Variants in TAF9B observed in about 807,000 individuals in gnomAD.
The protein encoded by TAF9B is TATA-box binding protein associated factor 9b, also known as transcription initiation factor TFIID subunit 9B.
Under a neutral mutation model 17.6 loss-of-function variants are expected in TAF9B, and 47 were observed. That is an observed-to-expected ratio of 2.68 (90% CI 2.12 to 3.41). The LOEUF is 3.41. TAF9B is among the 30% of genes most tolerant of loss of function. TAF9B has a pLI of 0.00. For synonymous variants in TAF9B, 84 were observed against 68.7 expected (o/e 1.22, Z -1.10); for missense variants, 218 against 189.3 (o/e 1.15, Z -0.89).
In TAF9B at chrX:78,137,092, C is replaced by T. The variant is rs183203805; in HGVS notation, c.406-102G>A. 1,742 of 582,459 alleles carry T rather than the reference C, an allele frequency of 3.0e-3. 1 individual carries two copies. The highest frequency in any genetic ancestry group is 4.3e-3 in the Non-Finnish European group (1,556 of 365,769). The allele number at this position is 582,459 out of a possible 1,213,427, so 48.0% of individuals were successfully genotyped here. ...GTAAATGATTATGGATAATCCATGGCAAGAAAGTCCTGTTTTTGTTCTCTC... is the reference window on the plus strand; with the variant it reads ...GTAAATGATTATGGATAATCCATGGTAAGAAAGTCCTGTTTTTGTTCTCTC... On this transcript the variant is annotated intron_variant, in intron 4 of 6. Coordinates refer to ENST00000341864, the MANE Select transcript of TAF9B (RefSeq NM_015975.5).
Position 78,131,756 on chromosome X carries a change from C to T in TAF9B, c.610G>A (p.Val204Ile). The T allele has an allele frequency of 8.3e-7, 1 of 1,207,807 alleles. No individual in the cohort carries two copies. ...GAAGGATTAATCAGAACATTTTGAA[C>T]TGCAGTTGTTGCAGGAACTGTAAAC... is the stretch of plus-strand genomic sequence containing the variant. ...PVKPVPATTA[V>I]QNVLINPSMI... Residue 204 changes from valine (V) to isoleucine (I), a missense_variant, in exon 7 of 7, where the codon GTT becomes ATT. By Grantham distance (29) the Val-to-Ile change is conservative (BLOSUM62 3). Coordinates refer to ENST00000341864, the MANE Select transcript of TAF9B (RefSeq NM_015975.5).
intron 5 of TAF9B, among the ~76,000 whole-genome samples, chrX:78,135,884 T>A (rs1268734605): frequency 8.9e-6 from 1 of 112,134 alleles, no homozygotes; most frequent in Non-Finnish European, 1.9e-5. Flanking sequence ...AATGCAGATT[T>A]CTGTCCACAA....
chrX:78,136,756 CAT>C (rs782491867), intron 5 of TAF9B, among the ~76,000 whole-genome samples, 157 bp downstream of exon 5: 1 of 112,147 alleles, frequency 8.9e-6, no homozygotes, highest in African/African-American at 3.2e-5. Context: ...AATCCAGTAA[CAT>C]GTATGTTTAT....
At chrX:78,133,917 A>G (rs1353680896) in intron 5 of TAF9B, among the ~76,000 whole-genome samples, 1 of 111,630 alleles carries the variant, frequency 9.0e-6, no homozygotes, top group African/African-American at 3.3e-5. Context: ...ACCTACCAGA[A>G]TAAAGACCCA....
At position 78,130,181 on chromosome X, in the gene TAF9B, A is replaced by C. The variant is rs2078403304; in HGVS notation, c.*1429T>G. The C allele has an allele frequency of 8.9e-6, 1 of 112,515 alleles. No individual in the cohort carries two copies. Among genetic ancestry groups the C allele is most frequent in the Admixed American group, 9.5e-5 (1 of 10,580 alleles). The allele number at this position is 112,515 out of a possible 1,213,427, so 9.3% of individuals were successfully genotyped here. A position where few individuals can be genotyped will look rare whatever the true frequency, so the allele number is the denominator to read the frequency against. ...TCTCTGTTACTGGACTTTCTTAGAT[A>C]TATCAAACACTATCCTAAGATGAAA... On this transcript the variant is annotated 3_prime_UTR_variant, in exon 7 of 7. Transcript: ENST00000341864.
At chrX:78,135,593 C>G (rs1444939864) in intron 5 of TAF9B, among the ~76,000 whole-genome samples, 1 of 109,925 alleles carries the variant, frequency 9.1e-6, no homozygotes, top group African/African-American at 3.3e-5. Flanking sequence ...GAGTGAGAGT[C>G]TGTCTCAAAA....
chrX:78,133,347 C>G lies in TAF9B; in HGVS notation c.583G>C (p.Val195Leu). ...VQIPPSQSTP[V>L]KPVPATTAVQ... ...CTCCCAATCACATTACCTGGTTTGA[C>G]AGGTGTGGACTGAGAAGGTGGAATC... Residue 195 changes from valine to leucine, a missense_variant, in exon 6 of 7, where the codon GTC (valine) becomes CTC (leucine). Physicochemically the swap from Val to Leu is conservative, Grantham distance 32 (BLOSUM62 1). Coordinates refer to ENST00000341864, the MANE Select transcript of TAF9B (RefSeq NM_015975.5). 8.3e-7 allele frequency: 1 copy of G among 1,205,033 alleles called. No individual in the cohort carries two copies. Among genetic ancestry groups the G allele is most frequent in the African/African-American group, 1.7e-5 (1 of 57,720 alleles).
In TAF9B at chrX:78,137,840, G is replaced by C; in HGVS notation, c.314C>G (p.Pro105Arg). The C allele has an allele frequency of 8.3e-7, 1 of 1,209,755 alleles. No homozygotes were observed. The highest frequency in any genetic ancestry group is 1.1e-6 in the Non-Finnish European group (1 of 894,953). Reference protein sequence around the residue: ...IARQKNQTPLPLIKPYAGPRL... With the variant: ...IARQKNQTPLRLIKPYAGPRL... ...AGGTCCTGCATATGGCTTAATCAGT[G>C]GCAAAGGGGTTTGATTTTTCTGCCT... Residue 105 changes from proline to arginine, a missense_variant, in exon 4 of 7, where the codon CCA (proline) becomes CGA (arginine). Physicochemically the swap from Pro to Arg is moderately radical, Grantham distance 103. Coordinates refer to ENST00000341864, the MANE Select transcript of TAF9B (RefSeq NM_015975.5).
chrX:78,135,449 G>C (rs1557249926), intron 5 of TAF9B, among the ~76,000 whole-genome samples: 1 of 103,107 alleles, frequency 9.7e-6, no homozygotes, highest in African/African-American at 3.5e-5. Context: ...ACAAAAATTA[G>C]CCTGGTGTGG....
chrX:78,138,764 TAAAAG>T (rs781853482), intron 2 of TAF9B, 74 bp downstream of exon 2: 201 of 835,009 alleles, frequency 2.4e-4, no homozygotes, highest in Non-Finnish European at 3.4e-4. Flanking sequence ...AAAAAGAAAA[TAAAAG>T]AAAATGTTCT....
At chrX:78,132,012 C>CTATT (rs1185795017) in intron 6 of TAF9B, among the ~76,000 whole-genome samples, 1 of 111,888 alleles carries the variant, frequency 8.9e-6, no homozygotes, top group Non-Finnish European at 1.9e-5. Flanking sequence ...TTTTAAATTA[C>CTATT]TATTTTTTTG....
At chrX:78,131,931 T>C (rs1261202140) in intron 6 of TAF9B, among the ~76,000 whole-genome samples, 158 bp from the exon 7 acceptor site, 2 of 112,776 alleles carry the variant, frequency 1.8e-5, no homozygotes, top group Non-Finnish European at 3.7e-5. Flanking sequence ...TAGGTACTTA[T>C]ACTGCAATGA....
Position 78,136,911 on chromosome X carries a change from T to C in TAF9B, c.481+4A>G. The C allele has an allele frequency of 8.4e-7, 1 of 1,188,299 alleles. No homozygotes were observed. Among genetic ancestry groups the C allele is most frequent in the Non-Finnish European group, 1.1e-6 (1 of 876,009 alleles). ...CAGAAATGCCATTGTCTCCTCTCAC[T>C]TACCTATAGTAGGAGTAGTAGGTTT... is the stretch of plus-strand genomic sequence containing the variant. On this transcript the variant is annotated splice_donor_region_variant and intron_variant, in intron 5 of 6. Transcript: ENST00000341864.
intron 5 of TAF9B, among the ~76,000 whole-genome samples, chrX:78,133,740 T>G (rs1330283428): frequency 9.0e-6 from 1 of 111,177 alleles, no homozygotes; most frequent in Non-Finnish European, 1.9e-5. Context: ...TTATTTAAAT[T>G]TTTGTGCCTC....
rs191297737 is a variant in TAF9B, at chrX:78,137,727, A to G, written c.405+22T>C. On this transcript the variant is annotated intron_variant, in intron 4 of 6. Transcript: ENST00000341864. ...TCATATTCCACCTTTTAAAAAAAGA[A>G]AAGTTGACTAAAATTTCTTACCTTT... 1.2e-3 allele frequency: 1,408 copies of G among 1,173,799 alleles called. 11 individuals carry two copies. Among genetic ancestry groups the G allele is most frequent in the East Asian group, 5.4e-4 (18 of 33,530 alleles).
At position 78,136,959 on chromosome X, in the gene TAF9B, A is replaced by C. The variant is rs2078436419; in HGVS notation, c.437T>G (p.Leu146Ter). The change falls in exon 5 of 7, where the codon TTA (leucine) becomes TGA (stop). Residue 146 changes from leucine to a stop codon, truncating the protein, a stop_gained. Transcript: ENST00000341864. LOFTEE classifies it high-confidence loss of function. ...GPNQGRLVPR[L>*]SVGAVSSKPT... ...TTTGCTACTAACAGCACCAACACTTAATCGTGGAACTAGTCTCCCTTGGTT... is the reference window on the plus strand; with the variant it reads ...TTTGCTACTAACAGCACCAACACTTCATCGTGGAACTAGTCTCCCTTGGTT... The C allele has an allele frequency of 2.5e-6, 3 of 1,207,086 alleles. No individual in the cohort carries two copies. The highest frequency in any genetic ancestry group is 1.8e-5 in the South Asian group (1 of 56,511).
intron 5 of TAF9B, among the ~76,000 whole-genome samples, chrX:78,136,389 C>T (rs1260423163): frequency 7.2e-5 from 8 of 111,841 alleles, no homozygotes; most frequent in South Asian, 3.7e-4. Context: ...GATGCAGATA[C>T]GTCAAAAGGA....
rs781949819 is a variant in TAF9B at position 78,139,627 on chromosome X, G to T, written c.-16C>A. On this transcript the variant is annotated 5_prime_UTR_variant, in exon 1 of 7. Transcript: ENST00000341864. ...CCGACTCCATGTTATCCAGCCACTC[G>T]TCATCCGCGGAGACAGAGGAGAGAG... 2 of 1,209,759 alleles carry T rather than the reference G, an allele frequency of 1.7e-6. No individual in the cohort carries two copies. The highest frequency in any genetic ancestry group is 1.1e-6 in the Non-Finnish European group (1 of 894,624).
chrX:78,138,916 T>G lies in TAF9B; in HGVS notation c.60A>C (p.Ala20=). The G allele has an allele frequency of 8.4e-7, 1 of 1,194,155 alleles. No homozygotes were observed. Among genetic ancestry groups the G allele is most frequent in the Non-Finnish European group, 1.1e-6 (1 of 881,292 alleles). ...TGATTCCCATATCCTTCAGGATCTGTGCCATCACCTGTGGATTCAAATAAA... is the reference window on the plus strand; with the variant it reads ...TGATTCCCATATCCTTCAGGATCTGGGCCATCACCTGTGGATTCAAATAAA... ...KNAPRDALVM[A]QILKDMGITE... is the part of the protein sequence containing the mutation. Residue 20 remains alanine (A), a synonymous_variant, in exon 2 of 7, where the codon GCA becomes GCC. Transcript: ENST00000341864.
Sources: gnomAD v4.1 joint callset for allele counts (sites outside exome capture counted in the v4.1 genomes callset) on GRCh38, gnomAD v4.1.1 for gene constraint, MANE v1.5 for transcripts, NCBI Gene and HGNC (gene_info 2026-07-23, HGNC 2026-07-21) for gene names.